The following FER variants were observed in gnomAD, a reference collection of about 807,000 sequenced individuals.
FER encodes tyrosine-protein kinase Fer.
Under a neutral mutation model 111.0 loss-of-function variants are expected in FER, and 63 were observed. The ratio of observed to expected loss-of-function variants is 0.57; its 90% CI spans 0.46 to 0.70. The LOEUF (loss-of-function observed/expected upper bound fraction) is 0.70, where lower values mean the gene tolerates loss of function less well. Among genes scored for constraint, FER ranks in the 30% least tolerant of loss-of-function variants. The pLI is 0.00. For synonymous variants in FER, 327 were observed against 313.9 expected (o/e 1.04, Z -0.44); for missense variants, 914 against 954.0 (o/e 0.96, Z 0.55).
At chr5:109,068,203 A>G (rs1775346641) in intron 16 of FER, among the ~76,000 whole-genome samples, 1 of 149,914 alleles carries the variant, frequency 6.7e-6, no homozygotes. Flanking sequence ...CATTTTTTTG[A>G]GACGGAGTCT....
chr5:108,866,525 T>A (rs1211375659), intron 5 of FER, among the ~76,000 whole-genome samples: 1 of 151,958 alleles, frequency 6.6e-6, no homozygotes, highest in East Asian at 1.9e-4. Flanking sequence ...ACGTGGCACA[T>A]GTATACATAT....
chr5:108,769,690 AAG>A (rs1039225229), intron 2 of FER, among the ~76,000 whole-genome samples: 8 of 152,046 alleles, frequency 5.3e-5, no homozygotes, highest in African/African-American at 7.2e-5. Context: ...TGGGCATGGA[AAG>A]AGAGAGAGAG....
At chr5:109,025,318 C>A (rs192484035) in intron 13 of FER, among the ~76,000 whole-genome samples, 203 of 152,200 alleles carry the variant, frequency 1.3e-3, no homozygotes, top group African/African-American at 4.6e-3. Context: ...TGTAGTTCTC[C>A]TTGAAGAGGT....
intron 10 of FER, among the ~76,000 whole-genome samples, chr5:108,912,991 A>G (rs896703537): frequency 6.6e-6 from 1 of 152,194 alleles, no homozygotes. Context: ...GGCCTTGGGT[A>G]TAAGAATCAT....
intron 10 of FER, among the ~76,000 whole-genome samples, chr5:108,936,543 A>G (rs1323177257): frequency 6.6e-6 from 1 of 152,008 alleles, no homozygotes; most frequent in Admixed American, 6.6e-5. Context: ...CCAGTGTACA[A>G]CAATTCTCAT....
chr5:108,874,782 A>T (rs888446326), intron 8 of FER, among the ~76,000 whole-genome samples: 1 of 152,150 alleles, frequency 6.6e-6, no homozygotes, highest in Admixed American at 6.6e-5. Context: ...CAAATTACCA[A>T]TAGTACTTGG....
At chr5:108,906,920 T>A (rs948076903) in intron 10 of FER, among the ~76,000 whole-genome samples, 1 of 152,154 alleles carries the variant, frequency 6.6e-6, no homozygotes, top group Non-Finnish European at 1.5e-5. Context: ...CTTTGGTCCC[T>A]TTCTCTCAGT....
intron 10 of FER, among the ~76,000 whole-genome samples, chr5:108,945,217 A>C (rs1333143885): frequency 3.9e-5 from 6 of 152,156 alleles, no homozygotes; most frequent in African/African-American, 1.4e-4. Context: ...GCTTGACAAA[A>C]GGATCTCTTG....
chr5:108,882,528 T>C (rs1292038653), intron 8 of FER, among the ~76,000 whole-genome samples: 1 of 151,978 alleles, frequency 6.6e-6, no homozygotes, highest in African/African-American at 2.4e-5. Context: ...TCCATTTTCA[T>C]ATTAGTTTGT....
intron 17 of FER, among the ~76,000 whole-genome samples, chr5:109,120,242 A>C (rs1750795819): frequency 5.9e-5 from 9 of 152,112 alleles, no homozygotes; most frequent in Admixed American, 5.2e-4. Flanking sequence ...CTAAAGTCTT[A>C]GAATTAAGTC....
chr5:108,955,822 T>G (rs1267677487), intron 12 of FER, among the ~76,000 whole-genome samples: 1 of 151,848 alleles, frequency 6.6e-6, no homozygotes, highest in Non-Finnish European at 1.5e-5. Flanking sequence ...AACAGGTGTA[T>G]GTACACAGAC....
At position 108,858,680 on chromosome 5, in the gene FER, G is replaced by C. The variant is rs371542282; in HGVS notation, c.482-9087G>C. ...TCCTTTCTTTCTTACACAAAACTAC[G>C]ATTATATAATATTCTTTTTCCTTTG... On this transcript the variant is annotated intron_variant, in intron 5 of 19. Transcript: ENST00000281092. Among the ~76,000 whole-genome samples the C allele has an allele frequency of 8.6e-5, 13 of 151,258 alleles. No homozygotes were observed. In the South Asian group the frequency reaches 2.7e-3, roughly 32 times the overall value.
At chr5:108,781,784 T>G (rs1754110514) in intron 2 of FER, among the ~76,000 whole-genome samples, 1 of 152,200 alleles carries the variant, frequency 6.6e-6, no homozygotes, top group African/African-American at 2.4e-5. Flanking sequence ...TCCTATAAGT[T>G]AGTTAGACTC....
At chr5:108,972,652 G>A (rs147318264) in intron 13 of FER, among the ~76,000 whole-genome samples, 5 of 152,140 alleles carry the variant, frequency 3.3e-5, no homozygotes, top group South Asian at 2.1e-4. Flanking sequence ...AGAGTCTTAC[G>A]TGTAATATAC....
chr5:108,902,165 A>T (rs1165711265), intron 10 of FER, among the ~76,000 whole-genome samples: 1 of 152,180 alleles, frequency 6.6e-6, no homozygotes, highest in East Asian at 1.9e-4. Flanking sequence ...GAACTTTGGC[A>T]GTACTCTATT....
intron 13 of FER, among the ~76,000 whole-genome samples, chr5:109,001,163 G>A (rs974747394): frequency 6.6e-6 from 1 of 152,044 alleles, no homozygotes; most frequent in Non-Finnish European, 1.5e-5. Context: ...ACCAAAGCCT[G>A]GCAGAGACAC....
At chr5:108,879,701 A>AATATATATATATATATATATATATAT (rs1554084618) in intron 8 of FER, among the ~76,000 whole-genome samples, 62 of 99,056 alleles carry the variant, frequency 6.3e-4, no homozygotes, top group Non-Finnish European at 9.5e-4. Context: ...ATTAAAAAAA[A>AATATATATATATATATATATATATAT]ATATATATAT....
rs1028179086 is a variant in FER at position 109,037,331 on chromosome 5, C to T, written c.1657-91C>T. ...TGATTGAATGGTCTGAATGAAATAT[C>T]CCTTTAGGTCGACTTTCCACTGGCT... is the stretch of plus-strand genomic sequence containing the variant. On this transcript the variant is annotated intron_variant, in intron 13 of 19. Coordinates refer to ENST00000281092, the MANE Select transcript of FER (RefSeq NM_005246.4). 120 of 964,466 alleles carry T rather than the reference C, an allele frequency of 1.2e-4. 1 individual carries two copies. In the African/African-American group the frequency reaches 1.6e-3, roughly 13 times the overall value. The allele number at this position is 964,466 out of a possible 1,614,324, so 59.7% of individuals were successfully genotyped here.
intron 10 of FER, among the ~76,000 whole-genome samples, chr5:108,914,231 CTGTG>C (rs35365353): frequency 0.056 from 7,925 of 141,128 alleles, 331 homozygotes; most frequent in African/African-American, 0.13. Flanking sequence ...ACTTGTCTCT[CTGTG>C]TGTGTGTGTG....
Sources: allele counts gnomAD v4.1 joint callset (sites outside exome capture counted in the v4.1 genomes callset), GRCh38; gene constraint gnomAD v4.1.1; transcripts MANE v1.5; gene names NCBI Gene and HGNC (gene_info 2026-07-23, HGNC 2026-07-21).